Variants in ASCC3 observed in about 807,000 individuals in gnomAD.
The protein encoded by ASCC3 is ASC-1 complex subunit P200.
ASCC3 carries 158 observed loss-of-function variants against 256.3 expected under a neutral mutation model. The ratio of observed to expected loss-of-function variants is 0.62; its 90% CI spans 0.54 to 0.70. The LOEUF is 0.70. Among genes scored for constraint, ASCC3 ranks in the 30% least tolerant of loss-of-function variants. The pLI is 0.00. For missense variants in ASCC3, 2,259 were observed against 2,626.0 expected, an observed-to-expected ratio of 0.86 and a Z score of 3.05; for synonymous variants, 948 against 883.4, an observed-to-expected ratio of 1.07 and a Z score of -1.30.
At chr6:100,775,197 A>T (rs1224857297) in intron 8 of ASCC3, among the ~76,000 whole-genome samples, 1 of 152,232 alleles carries the variant, frequency 6.6e-6, no homozygotes, top group African/African-American at 2.4e-5. Context: ...CTTTTAAGCA[A>T]GGAAAAAGCA....
chr6:100,795,245 T>G (rs1308839295), intron 8 of ASCC3, among the ~76,000 whole-genome samples: 1 of 151,788 alleles, frequency 6.6e-6, no homozygotes, highest in Admixed American at 6.6e-5. Flanking sequence ...GAAACGGTCA[T>G]GTTTGCTGCT....
intron 24 of ASCC3, among the ~76,000 whole-genome samples, 179 bp from the exon 25 acceptor site, chr6:100,639,000 A>C (rs192170699): frequency 1.3e-5 from 2 of 151,982 alleles, no homozygotes; most frequent in Non-Finnish European, 2.9e-5. Context: ...GCAAGTAACC[A>C]CATTTACCAT....
At chr6:100,866,281 T>C (rs1377421079) in intron 2 of ASCC3, among the ~76,000 whole-genome samples, 1 of 152,192 alleles carries the variant, frequency 6.6e-6, no homozygotes, top group Non-Finnish European at 1.5e-5. Context: ...TAGAGATAAA[T>C]AATTTCAAAG....
chr6:100,771,931 T>A (rs1781956453), intron 8 of ASCC3, among the ~76,000 whole-genome samples: 1 of 139,014 alleles, frequency 7.2e-6, no homozygotes. Context: ...CCAGGCTGAG[T>A]TGCAGAGGCA....
chr6:100,661,457 C>T (rs1776217727), intron 16 of ASCC3, among the ~76,000 whole-genome samples: 1 of 151,512 alleles, frequency 6.6e-6, no homozygotes, highest in African/African-American at 2.4e-5. Flanking sequence ...TTCATTAAAC[C>T]TTTAGTAAAA....
chr6:100,712,251 T>C (rs1027619611), intron 13 of ASCC3, among the ~76,000 whole-genome samples: 4 of 151,996 alleles, frequency 2.6e-5, no homozygotes, highest in African/African-American at 9.7e-5. Context: ...AAGGAAATAA[T>C]TGACAAGCTG....
At chr6:100,683,236 T>C (rs751443812) in intron 13 of ASCC3, among the ~76,000 whole-genome samples, 1 of 152,190 alleles carries the variant, frequency 6.6e-6, no homozygotes, top group South Asian at 2.1e-4. Flanking sequence ...ACCAGATTTC[T>C]ATTCTCCATA....
In ASCC3 at chr6:100,604,171, AT is replaced by A. The variant is rs1006509724; in HGVS notation, c.5177+1396del. ...TCAGTTTTAGTAATTTTTAAAAGAA[AT>A]TTTACTATTTGATACAAAATTTAAA... On this transcript the variant is annotated intron_variant, in intron 33 of 41. Transcript: ENST00000369162. Among the ~76,000 whole-genome samples, 371 of 152,150 alleles carry A rather than the reference AT, an allele frequency of 2.4e-3. 2 individuals carry two copies. The highest frequency in any genetic ancestry group is 8.5e-3 in the African/African-American group (352 of 41,526).
chr6:100,634,730 G>A (rs1774741165), intron 25 of ASCC3, among the ~76,000 whole-genome samples: 1 of 151,368 alleles, frequency 6.6e-6, no homozygotes, highest in African/African-American at 2.4e-5. Context: ...ATTACCAAAA[G>A]ACAAAAGACA....
At chr6:100,642,842 A>T (rs929668148) in intron 23 of ASCC3, 93 bp from the exon 24 acceptor site, 3 of 1,172,208 alleles carry the variant, frequency 2.6e-6, no homozygotes, top group African/African-American at 3.1e-5. Context: ...TCTCTACAAG[A>T]TATACTAAAG....
At chr6:100,723,238 A>T (rs1266774431) in intron 11 of ASCC3, among the ~76,000 whole-genome samples, 1 of 151,720 alleles carries the variant, frequency 6.6e-6, no homozygotes, top group Admixed American at 6.6e-5. Flanking sequence ...TTAAATATAA[A>T]TAATATTAAC....
At chr6:100,670,152 A>G (rs1305463682) in intron 14 of ASCC3, among the ~76,000 whole-genome samples, 1 of 152,052 alleles carries the variant, frequency 6.6e-6, no homozygotes, top group African/African-American at 2.4e-5. Context: ...GCCAATGTAA[A>G]AAATGCTCAG....
At chr6:100,736,654 A>T (rs554743382) in intron 10 of ASCC3, among the ~76,000 whole-genome samples, 2 of 152,312 alleles carry the variant, frequency 1.3e-5, no homozygotes, top group South Asian at 4.1e-4. Context: ...TACATCTTGC[A>T]CAAAGGCATT....
At position 100,848,671 on chromosome 6, in the gene ASCC3, C is replaced by T; in HGVS notation, c.278G>A (p.Gly93Glu). 1 of 1,613,548 alleles carries T rather than the reference C, an allele frequency of 6.2e-7. No homozygotes were observed. Among genetic ancestry groups the T allele is most frequent in the Non-Finnish European group, 8.5e-7 (1 of 1,180,002 alleles). The change falls in exon 4 of 42, where the codon GGG becomes GAG. Residue 93 changes from glycine to glutamate, a missense_variant. Gly to Glu is a moderately conservative substitution (Grantham distance 98). Around this residue, in one of 2 missense-constraint regions of ASCC3, gnomAD observed 420 missense variants for 419.3 expected, o/e 1.00. Transcript: ENST00000369162. ...TDNGREAIES[G>E]AAFLFMTFHL... ...AAATGTCATGAAGAGAAATGCAGCC[C>T]CACTTTCAATTGCTTCTCTCCCATT...
intron 4 of ASCC3, among the ~76,000 whole-genome samples, chr6:100,840,053 T>G (rs1436585595): frequency 6.6e-6 from 1 of 152,188 alleles, no homozygotes; most frequent in Non-Finnish European, 1.5e-5. Context: ...TCATGAAAAT[T>G]TTATCCCTTT....
At chr6:100,801,496 TCAAATCTTCA>T (rs1769913541) in intron 5 of ASCC3, among the ~76,000 whole-genome samples, 1 of 152,070 alleles carries the variant, frequency 6.6e-6, no homozygotes, top group Non-Finnish European at 1.5e-5. Flanking sequence ...TCATTCTAAG[TCAAATCTTCA>T]CAATTCTCAG....
chr6:100,526,145 T>A (rs1774567884), intron 37 of ASCC3, among the ~76,000 whole-genome samples: 1 of 152,166 alleles, frequency 6.6e-6, no homozygotes, highest in South Asian at 2.1e-4. Context: ...TCAGCTGCTG[T>A]CTAACAAACT....
At chr6:100,578,166 G>T (rs1770976433) in intron 36 of ASCC3, among the ~76,000 whole-genome samples, 1 of 151,890 alleles carries the variant, frequency 6.6e-6, no homozygotes, top group Non-Finnish European at 1.5e-5. Context: ...TAAAGAAAAA[G>T]AACATAAAAG....
chr6:100,630,724 ACTT>A (rs1165228415), intron 26 of ASCC3, among the ~76,000 whole-genome samples: 8 of 152,014 alleles, frequency 5.3e-5, no homozygotes, highest in Non-Finnish European at 1.0e-4. Flanking sequence ...TTTTCAAAGA[ACTT>A]CTGCTTTTTT....
Sources: gnomAD v4.1 joint callset for allele counts (sites outside exome capture counted in the v4.1 genomes callset) on GRCh38, gnomAD v4.1.1 for gene constraint, gnomAD v4.1.1 regional missense constraint, MANE v1.5 for transcripts, NCBI Gene and HGNC (gene_info 2026-07-23, HGNC 2026-07-21) for gene names.